Variants in TNNT2 observed in about 807,000 individuals in gnomAD.
TNNT2 encodes the protein troponin T2, cardiac type.
A neutral mutation model predicts 62.4 loss-of-function variants in TNNT2; 34 were observed. The ratio of observed to expected loss-of-function variants is 0.54; its 90% CI spans 0.41 to 0.72. The LOEUF (loss-of-function observed/expected upper bound fraction) is 0.72, where lower values mean the gene tolerates loss of function less well. Among genes scored for constraint, TNNT2 ranks in the 30% least tolerant of loss-of-function variants. The pLI is 0.00. For missense variants in TNNT2, 275 were observed against 381.9 expected (o/e 0.72, Z 2.33); for synonymous variants, 123 against 127.2 (o/e 0.97, Z 0.22).
At chr1:201,359,475 C>A in intron 16 of TNNT2, 148 bp downstream of exon 16, 1 of 1,000,266 alleles carries the variant, frequency 1.0e-6, no homozygotes. Context: ...CACGAGGCCC[C>A]GGAGGAGCCA....
chr1:201,365,425 G>T, intron 9 of TNNT2, 118 bp from the exon 10 acceptor site: 1 of 1,206,090 alleles, frequency 8.3e-7, no homozygotes, highest in Non-Finnish European at 1.2e-6. Flanking sequence ...CTGGCGCCTG[G>T]CCAGGGAAGG....
intron 5 of TNNT2, chr1:201,369,394 C>T: frequency 2.1e-6 from 1 of 475,656 alleles, no homozygotes; most frequent in South Asian, 1.5e-5. Context: ...GTCCCCAGAC[C>T]CCCCAACCAA....
At chr1:201,374,986 CCCCACTCA>C (rs1378502085) in intron 1 of TNNT2, 1 of 152,626 alleles carries the variant, frequency 6.6e-6, no homozygotes, top group Non-Finnish European at 1.5e-5. Flanking sequence ...CCACCTCCTG[CCCCACTCA>C]CGCGTGCCAG....
rs776936911 is a variant in TNNT2 at position 201,373,255 on chromosome 1, G to T, written c.-1C>A. The stretch of plus-strand genomic sequence containing the variant: ...CCACCACCTCTTCTATGTCAGACAT[G>T]GTCTCTGCTCTCCCTCCAAAAGGAG... On this transcript the variant is annotated 5_prime_UTR_variant, in exon 2 of 17. Coordinates refer to ENST00000656932, the MANE Select transcript of TNNT2 (RefSeq NM_001276345.2). 1.5e-5 allele frequency: 25 copies of T among 1,614,022 alleles called. No individual in the cohort carries two copies. Among genetic ancestry groups the T allele is most frequent in the Non-Finnish European group, 2.0e-5 (24 of 1,179,982 alleles).
intron 10 of TNNT2, among the ~76,000 whole-genome samples, chr1:201,364,879 G>T (rs960689489): frequency 3.9e-5 from 6 of 152,108 alleles, no homozygotes; most frequent in Admixed American, 2.0e-4. Context: ...CAGGGGTGGC[G>T]CAGCAGGCCT....
At chr1:201,376,976 T>C (rs1661490815) in intron 1 of TNNT2, among the ~76,000 whole-genome samples, 1 of 152,152 alleles carries the variant, frequency 6.6e-6, no homozygotes, top group African/African-American at 2.4e-5. Context: ...TCAGCTCAGC[T>C]CTGGGAGGGA....
intron 8 of TNNT2, 77 bp from the exon 9 acceptor site, chr1:201,365,747 C>T: frequency 7.6e-6 from 12 of 1,579,596 alleles, no homozygotes; most frequent in Admixed American, 1.8e-5. Context: ...AGGCAGGGCC[C>T]TGATCCTTCC....
At chr1:201,363,433 C>T in intron 11 of TNNT2, 27 bp from the exon 12 acceptor site, 2 of 1,604,718 alleles carry the variant, frequency 1.2e-6, no homozygotes, top group Non-Finnish European at 1.7e-6. Flanking sequence ...AGGAAGAAAG[C>T]AAATTAGGGG....
intron 15 of TNNT2, 96 bp downstream of exon 15, chr1:201,361,183 A>T: frequency 8.3e-7 from 1 of 1,211,560 alleles, no homozygotes; most frequent in Non-Finnish European, 1.2e-6. Flanking sequence ...GGGAATAGGG[A>T]CAGGGACCCA....
Position 201,363,377 on chromosome 1 carries a change from C to T in TNNT2, c.519G>A (p.Glu173=), listed in dbSNP as rs928898709. ...CCTCATCCTCAGCCTTCCTCCTGTTCTCCTCCTCCTCTCGTCGAGCCCTCT... is the reference window on the plus strand; with the variant it reads ...CCTCATCCTCAGCCTTCCTCCTGTTTTCCTCCTCCTCTCGTCGAGCCCTCT... ...AEERARREEE[E]NRRKAEDEAR... is the part of the protein sequence containing the mutation. The change falls in exon 12 of 17, where the codon GAG becomes GAA. Residue 173 remains glutamate, a synonymous_variant. Transcript: ENST00000656932. The T allele has an allele frequency of 3.1e-6, 5 of 1,613,830 alleles. No homozygotes were observed. The Admixed American group carries it at 8.3e-5, about 27-fold the overall frequency.
At chr1:201,365,782 G>C (rs1009694331) in intron 8 of TNNT2, 112 bp from the exon 9 acceptor site, 2 of 1,552,814 alleles carry the variant, frequency 1.3e-6, no homozygotes, top group Non-Finnish European at 1.7e-6. Flanking sequence ...GCACTGCCCC[G>C]ACCAACCACA....
chr1:201,369,440 A>C, intron 5 of TNNT2: 1 of 481,226 alleles, frequency 2.1e-6, no homozygotes, highest in Non-Finnish European at 4.3e-6. Flanking sequence ...TCCAGCTCCT[A>C]AGGAGGGCCC....
chr1:201,369,200 C>T, intron 5 of TNNT2: 1 of 446,320 alleles, frequency 2.2e-6, no homozygotes, highest in Non-Finnish European at 4.7e-6. Flanking sequence ...CTTACTGCCT[C>T]CCCAACCCAC....
At chr1:201,375,781 G>A (rs938305380) in intron 1 of TNNT2, among the ~76,000 whole-genome samples, 7 of 152,306 alleles carry the variant, frequency 4.6e-5, no homozygotes, top group East Asian at 3.9e-4. Context: ...CAGCCTGGGC[G>A]CATAGCTTCT....
At position 201,365,633 on chromosome 1, in the gene TNNT2, C is replaced by T. The variant is rs1571630555; in HGVS notation, c.271G>A (p.Asp91Asn). The T allele has an allele frequency of 1.9e-6, 3 of 1,614,060 alleles. No homozygotes were observed. Among genetic ancestry groups the T allele is most frequent in the African/African-American group, 1.3e-5 (1 of 75,042 alleles). ...ACATCAAAGTCCACTCTCTCTCCAT[C>T]GGGGATCTTGGGAGGCACCAAGTTG... ...MPNLVPPKIP[D>N]GERVDFDDIH... Residue 91 changes from aspartate to asparagine, a missense_variant, in exon 9 of 17, where the codon GAT becomes AAT. Transcript: ENST00000656932.
At chr1:201,361,139 CA>C in intron 15 of TNNT2, 139 bp downstream of exon 15, 2 of 831,050 alleles carry the variant, frequency 2.4e-6, no homozygotes, top group East Asian at 4.8e-5. Flanking sequence ...GGCCAGGCAG[CA>C]GGGGCAGATG....
chr1:201,365,691 C>T, intron 8 of TNNT2, 21 bp from the exon 9 acceptor site: 1 of 1,612,982 alleles, frequency 6.2e-7, no homozygotes, highest in South Asian at 1.1e-5. Flanking sequence ...GAGGAATAGT[C>T]AGCATCAGCC....
rs3730240 is a variant in TNNT2, at chr1:201,361,601, G to A, written c.720-232C>T. 0.061 allele frequency among the ~76,000 whole-genome samples: 9,342 copies of A among 152,278 alleles called. 559 individuals are homozygous for A. The highest frequency in any genetic ancestry group is 0.15 in the South Asian group (743 of 4,822). On this transcript the variant is annotated intron_variant, in intron 14 of 16. Transcript: ENST00000656932. ...CCAGGGCAAAGTTCCAAGAACAAGC[G>A]GGGAGCAGGAGAAGCCCTTCTGGCG...
intron 1 of TNNT2, among the ~76,000 whole-genome samples, chr1:201,377,038 G>A (rs1661502975): frequency 6.6e-6 from 1 of 152,214 alleles, no homozygotes; most frequent in Non-Finnish European, 1.5e-5. Context: ...GCCTGGAGAG[G>A]CGCTGCAGAG....
Sources: allele counts gnomAD v4.1 joint callset (sites outside exome capture counted in the v4.1 genomes callset), GRCh38; gene constraint gnomAD v4.1.1; transcripts MANE v1.5; gene names NCBI Gene and HGNC (gene_info 2026-07-23, HGNC 2026-07-21).